FAAH2: variants seen among roughly 807,000 people sequenced by gnomAD.
FAAH2 encodes the protein fatty-acid amide hydrolase 2.
A neutral mutation model predicts 36.9 loss-of-function variants in FAAH2; 60 were observed. That is an observed-to-expected ratio of 1.63 (90% confidence interval 1.32 to 2.02). The LOEUF (loss-of-function observed/expected upper bound fraction) is 2.02. FAAH2 is among the 30% of genes most tolerant of loss of function. The pLI, the probability that FAAH2 is intolerant of heterozygous loss-of-function variation, is 0.00. For synonymous variants in FAAH2, 214 were observed against 143.8 expected (o/e 1.49, Z -3.49); for missense variants, 689 against 397.5 (o/e 1.73, Z -6.23).
chrX:57,303,967 G>C (rs1420582633), intron 2 of FAAH2, among the ~76,000 whole-genome samples: 2 of 111,767 alleles, frequency 1.8e-5, no homozygotes, highest in African/African-American at 3.2e-5. Context: ...AGCACTTTGA[G>C]AGGCTGAGGC....
At chrX:57,331,557 A>AT in intron 3 of FAAH2, 41 bp from the exon 4 acceptor site, 1 of 1,130,474 alleles carries the variant, frequency 8.8e-7, no homozygotes, top group Admixed American at 2.4e-5. Context: ...AACTATTTTT[A>AT]TTTAATAATT....
the FAAH2 span, among the ~76,000 whole-genome samples, chrX:57,227,908 G>A: frequency 4.5e-5 from 5 of 111,199 alleles, no homozygotes; most frequent in Admixed American, 4.7e-4. Flanking sequence ...AGTCATACAG[G>A]TTGTCAGGGA....
At chrX:57,481,527 A>G (rs1288862340) in intron 10 of FAAH2, among the ~76,000 whole-genome samples, 2 of 112,026 alleles carry the variant, frequency 1.8e-5, no homozygotes, top group African/African-American at 3.2e-5. Context: ...CGGTTGCTGG[A>G]CGTCCAATCC....
chrX:57,388,455 G>T (rs2055081031), intron 7 of FAAH2, among the ~76,000 whole-genome samples: 1 of 111,279 alleles, frequency 9.0e-6, no homozygotes, highest in African/African-American at 3.3e-5. Flanking sequence ...CCAAGGCCTT[G>T]TGTGCTGTTG....
the FAAH2 span, among the ~76,000 whole-genome samples, chrX:57,235,859 T>G: frequency 5.8e-5 from 6 of 103,208 alleles, no homozygotes; most frequent in Non-Finnish European, 5.8e-5. Flanking sequence ...ACTTTCAAGA[T>G]TGTTATTTAC....
the FAAH2 span, among the ~76,000 whole-genome samples, chrX:57,130,797 C>T: frequency 8.9e-6 from 1 of 111,907 alleles, no homozygotes; most frequent in African/African-American, 3.3e-5. Flanking sequence ...CATAGTTTAT[C>T]TCAGATGCCT....
chrX:57,318,308 A>G (rs966143031), intron 3 of FAAH2, among the ~76,000 whole-genome samples: 5 of 112,041 alleles, frequency 4.5e-5, no homozygotes, highest in Non-Finnish European at 9.4e-5. Flanking sequence ...AATCAAATAG[A>G]CACAATAAAA....
At chrX:57,419,225 A>C (rs1313620104) in intron 7 of FAAH2, among the ~76,000 whole-genome samples, 1 of 111,065 alleles carries the variant, frequency 9.0e-6, no homozygotes, top group Non-Finnish European at 1.9e-5. Context: ...TCCTTTGGGT[A>C]TATACCCAGT....
the FAAH2 span, among the ~76,000 whole-genome samples, chrX:57,162,912 G>C: frequency 3.5e-5 from 4 of 112,903 alleles, no homozygotes; most frequent in Admixed American, 2.8e-4. Context: ...AACGAACTGC[G>C]TTCCTTTGGA....
chrX:57,310,267 T>C (rs1023932314), intron 2 of FAAH2, among the ~76,000 whole-genome samples: 1 of 112,123 alleles, frequency 8.9e-6, no homozygotes, highest in African/African-American at 3.2e-5. Context: ...CAACACCACG[T>C]TTATTGGCCA....
At chrX:57,322,468 A>G (rs1291377852) in intron 3 of FAAH2, among the ~76,000 whole-genome samples, 2 of 110,317 alleles carry the variant, frequency 1.8e-5, no homozygotes, top group Non-Finnish European at 3.8e-5. Context: ...TTTGACTATT[A>G]TGTGTTTTGG....
At position 57,432,050 on chromosome X, in the gene FAAH2, C is replaced by T; in HGVS notation, c.1116+13C>T. On this transcript the variant is annotated intron_variant, in intron 8 of 10. Coordinates refer to ENST00000374900, the MANE Select transcript of FAAH2 (RefSeq NM_174912.4). ...ACATGATGGGAAGGTATTTTTACCT[C>T]TTTCTTTACTTACTTTTTTCTTTGT... The T allele has an allele frequency of 5.9e-6, 7 of 1,177,281 alleles. No homozygotes were observed. Among genetic ancestry groups the T allele is most frequent in the Non-Finnish European group, 8.0e-6 (7 of 873,755 alleles).
intron 7 of FAAH2, among the ~76,000 whole-genome samples, chrX:57,382,244 T>G (rs778056049): frequency 9.0e-6 from 1 of 111,051 alleles, no homozygotes; most frequent in Non-Finnish European, 1.9e-5. Context: ...AAATTGGCAC[T>G]CTAACATCAC....
At chrX:57,189,229 G>T in the FAAH2 span, among the ~76,000 whole-genome samples, 4 of 109,881 alleles carry the variant, frequency 3.6e-5, no homozygotes, top group Non-Finnish European at 5.7e-5. Flanking sequence ...GTGTTTTTTG[G>T]CTCCATCAGG....
the FAAH2 span, among the ~76,000 whole-genome samples, chrX:57,250,145 G>T: frequency 2.7e-5 from 3 of 111,624 alleles, no homozygotes; most frequent in Non-Finnish European, 5.7e-5. Context: ...ATTGGAAGTT[G>T]GATACAGCAA....
chrX:57,210,979 A>G, the FAAH2 span, among the ~76,000 whole-genome samples: 1 of 112,173 alleles, frequency 8.9e-6, no homozygotes, highest in Non-Finnish European at 1.9e-5. Flanking sequence ...TAAGACATGA[A>G]AAACACAGTT....
At chrX:57,207,708 G>A in the FAAH2 span, among the ~76,000 whole-genome samples, 1 of 112,314 alleles carries the variant, frequency 8.9e-6, no homozygotes, top group South Asian at 3.7e-4. Flanking sequence ...GTTTGTACTT[G>A]CACCCCTTTT....
Position 57,292,578 on chromosome X carries a change from C to T in FAAH2, c.273C>T (p.Tyr91=). ...CAATGATCAATGGAATTGTCAAGTA[C>T]AGGTGAGCATTTCCACTCTCTCAAG... ...VNPMINGIVK[Y]RFEEAMKEAH... Residue 91 remains tyrosine (Y), a splice_region_variant and synonymous_variant, in exon 2 of 11, where the codon TAC becomes TAT. Transcript: ENST00000374900. 2 of 1,204,883 alleles carry T rather than the reference C, an allele frequency of 1.7e-6. No homozygotes were observed. Among genetic ancestry groups the T allele is most frequent in the Non-Finnish European group, 2.2e-6 (2 of 890,834 alleles).
intron 10 of FAAH2, among the ~76,000 whole-genome samples, chrX:57,470,994 A>G (rs1016896074): frequency 9.0e-6 from 1 of 111,425 alleles, no homozygotes; most frequent in Non-Finnish European, 1.9e-5. Flanking sequence ...AAGACAAAAA[A>G]CACATGATTT....
Sources: allele counts gnomAD v4.1 joint callset (sites outside exome capture counted in the v4.1 genomes callset), GRCh38; gene constraint gnomAD v4.1.1; transcripts MANE v1.5; gene names NCBI Gene and HGNC (gene_info 2026-07-23, HGNC 2026-07-21).